Variants in PTPN4 observed in about 807,000 individuals in gnomAD.
PTPN4 encodes the protein tyrosine-protein phosphatase non-receptor type 4.
In PTPN4, 49 loss-of-function variants were observed where a neutral mutation model predicts 135.5. The observed-to-expected ratio is 0.36, with a 90% CI of 0.29 to 0.46. The LOEUF (loss-of-function observed/expected upper bound fraction) is 0.46, where lower values mean the gene tolerates loss of function less well. Among genes scored for constraint, PTPN4 ranks in the 20% least tolerant of loss-of-function variants. The probability of loss-of-function intolerance (pLI) is 1.00; values close to 1 mark genes in which losing one functional copy is unlikely to be tolerated. For missense variants in PTPN4, 860 were observed against 1,101.0 expected (o/e 0.78, Z 3.10); for synonymous variants, 333 against 369.9 (o/e 0.90, Z 1.14).
At chr2:119,795,286 C>T (rs1691232336) in intron 1 of PTPN4, among the ~76,000 whole-genome samples, 1 of 152,234 alleles carries the variant, frequency 6.6e-6, no homozygotes, top group Non-Finnish European at 1.5e-5. Context: ...TTCAGGCTCT[C>T]TGTGGCTTGA....
chr2:119,829,865 A>G (rs548812089), intron 2 of PTPN4, among the ~76,000 whole-genome samples: 1 of 152,188 alleles, frequency 6.6e-6, no homozygotes, highest in Non-Finnish European at 1.5e-5. Flanking sequence ...GTGATAATTC[A>G]GTGTTTAACC....
intron 2 of PTPN4, among the ~76,000 whole-genome samples, chr2:119,855,054 A>G (rs1183155673): frequency 1.3e-5 from 2 of 152,178 alleles, no homozygotes; most frequent in African/African-American, 4.8e-5. Context: ...TTGTTGTATC[A>G]TAATGGAAAT....
At chr2:119,840,727 T>C (rs1677367510) in intron 2 of PTPN4, among the ~76,000 whole-genome samples, 1 of 152,172 alleles carries the variant, frequency 6.6e-6, no homozygotes, top group Non-Finnish European at 1.5e-5. Context: ...AAACATTCCT[T>C]TTTCTCCACA....
intron 19 of PTPN4, among the ~76,000 whole-genome samples, 167 bp downstream of exon 19, chr2:119,952,296 C>A (rs1432447996): frequency 6.6e-6 from 1 of 152,110 alleles, no homozygotes; most frequent in Non-Finnish European, 1.5e-5. Flanking sequence ...TTTGCCCCCC[C>A]ACCCCTTGCT....
chr2:119,822,364 C>CCCT (rs763569144), intron 2 of PTPN4, among the ~76,000 whole-genome samples: 6 of 117,822 alleles, frequency 5.1e-5, no homozygotes, highest in Non-Finnish European at 7.1e-5. Flanking sequence ...CTCCCCCCCC[C>CCCT]TTTTTTTTTT....
intron 9 of PTPN4, among the ~76,000 whole-genome samples, chr2:119,887,871 A>G (rs72838964): frequency 0.021 from 3,164 of 152,074 alleles, 60 homozygotes; most frequent in Non-Finnish European, 0.033. Flanking sequence ...TTGTTTCTAT[A>G]TTAATTTTAG....
intron 11 of PTPN4, among the ~76,000 whole-genome samples, chr2:119,918,109 T>C (rs767189920): frequency 6.6e-6 from 1 of 152,230 alleles, no homozygotes; most frequent in Admixed American, 6.5e-5. Context: ...ATATGAACTA[T>C]ATATGTTAGT....
intron 2 of PTPN4, among the ~76,000 whole-genome samples, chr2:119,810,776 AC>A (rs1324472632): frequency 3.3e-5 from 5 of 152,096 alleles, no homozygotes; most frequent in African/African-American, 4.8e-5. Context: ...ACCTAAATTG[AC>A]CCAGTGTTAA....
At chr2:119,827,406 C>A (rs769921292) in intron 2 of PTPN4, among the ~76,000 whole-genome samples, 1 of 152,196 alleles carries the variant, frequency 6.6e-6, no homozygotes, top group Non-Finnish European at 1.5e-5. Flanking sequence ...ATCAGCATTA[C>A]ATGAGAGTCT....
At chr2:119,916,855 A>T (rs1458386002) in intron 11 of PTPN4, among the ~76,000 whole-genome samples, 1 of 152,186 alleles carries the variant, frequency 6.6e-6, no homozygotes, top group Non-Finnish European at 1.5e-5. Context: ...CGTTCCATTT[A>T]TGTATGGTAT....
intron 2 of PTPN4, among the ~76,000 whole-genome samples, chr2:119,832,589 TAAG>T (rs1002305000): frequency 4.6e-5 from 7 of 152,120 alleles, no homozygotes; most frequent in African/African-American, 1.7e-4. Flanking sequence ...TGATGTGAAA[TAAG>T]AATCAACTTT....
At position 119,760,071 on chromosome 2, in the gene PTPN4, G is replaced by C. The variant is rs997043765; in HGVS notation, c.-331G>C. The C allele has an allele frequency of 2.6e-6, 1 of 384,018 alleles. No individual in the cohort carries two copies. The highest frequency in any genetic ancestry group is 2.1e-5 in the African/African-American group (1 of 48,008). 23.8% of individuals were successfully genotyped at this position (384,018 alleles called of 1,614,324 possible). On this transcript the variant is annotated 5_prime_UTR_variant, in exon 1 of 27. Coordinates refer to ENST00000263708, the MANE Select transcript of PTPN4 (RefSeq NM_002830.4). ...GAGACTTGGCTTTGGCCGCGGGGTC[G>C]GAGGATTGGGGCCAGGCCCCCTCCC...
intron 2 of PTPN4, among the ~76,000 whole-genome samples, chr2:119,856,658 C>T (rs1677685931): frequency 1.3e-5 from 2 of 152,200 alleles, no homozygotes; most frequent in African/African-American, 4.8e-5. Flanking sequence ...ATGGCTGATA[C>T]TGCAGGAGCC....
intron 5 of PTPN4, among the ~76,000 whole-genome samples, chr2:119,878,689 C>CTT (rs74600465): frequency 0.28 from 36,619 of 129,536 alleles, 5,171 homozygotes; most frequent in South Asian, 0.33. Context: ...GCAGGTGTTC[C>CTT]TTTTTTTTTT....
At chr2:119,929,289 T>C (rs1574409002) in intron 13 of PTPN4, among the ~76,000 whole-genome samples, 1 of 152,118 alleles carries the variant, frequency 6.6e-6, no homozygotes, top group East Asian at 1.9e-4. Flanking sequence ...CAAAATTCTC[T>C]AATGGTTTTA....
intron 9 of PTPN4, among the ~76,000 whole-genome samples, chr2:119,896,547 A>T (rs1384558816): frequency 6.6e-6 from 1 of 152,222 alleles, no homozygotes; most frequent in East Asian, 1.9e-4. Flanking sequence ...CAGGTGGTGC[A>T]TAATGCCTGG....
At chr2:119,809,714 CA>C in intron 1 of PTPN4, 122 bp from the exon 2 acceptor site, 1 of 866,350 alleles carries the variant, frequency 1.2e-6, no homozygotes, top group Admixed American at 3.4e-5. Flanking sequence ...TCTGGTGTTT[CA>C]AAATTTATAA....
chr2:119,862,730 T>A, intron 3 of PTPN4, 87 bp downstream of exon 3: 1 of 1,058,380 alleles, frequency 9.4e-7, no homozygotes, highest in Non-Finnish European at 1.4e-6. Flanking sequence ...CAGTGTTCAC[T>A]GATTTGATGA....
chr2:119,828,004 A>G (rs1677169685), intron 2 of PTPN4, among the ~76,000 whole-genome samples: 1 of 152,240 alleles, frequency 6.6e-6, no homozygotes, highest in South Asian at 2.1e-4. Flanking sequence ...TAACCCTGAC[A>G]GTAAAGTTAC....
Sources: allele counts gnomAD v4.1 joint callset (sites outside exome capture counted in the v4.1 genomes callset), GRCh38; gene constraint gnomAD v4.1.1; transcripts MANE v1.5; gene names NCBI Gene and HGNC (gene_info 2026-07-23, HGNC 2026-07-21).